SLC4A4: variants seen among roughly 807,000 people sequenced by gnomAD.
SLC4A4 encodes solute carrier family 4 member 4, also known as electrogenic sodium bicarbonate cotransporter 1.
A neutral mutation model predicts 111.5 loss-of-function variants in SLC4A4; 27 were observed. The ratio of observed to expected loss-of-function variants is 0.24; its 90% CI spans 0.18 to 0.33. The LOEUF is 0.33. Ranked by LOEUF, SLC4A4 falls within the 10% of genes least tolerant of loss-of-function variation. SLC4A4 has a pLI of 1.00. For missense variants in SLC4A4, 909 were observed against 1,315.5 expected (o/e 0.69, Z 4.78); for synonymous variants, 443 against 463.4 (o/e 0.96, Z 0.57).
intron 23 of SLC4A4, among the ~76,000 whole-genome samples, chr4:71,561,015 C>T (rs543659735): frequency 2.6e-5 from 4 of 151,822 alleles, no homozygotes; most frequent in East Asian, 2.0e-4. Context: ...TTAACACATG[C>T]GGACACCTTA....
intron 3 of SLC4A4, chr4:71,301,371 G>A: frequency 5.0e-6 from 1 of 199,494 alleles, no homozygotes; most frequent in Non-Finnish European, 1.0e-5. Context: ...AAGAGTAAGG[G>A]ACTGGTGGCC....
At chr4:71,160,326 T>C (rs528602619) in intron 2 of SLC4A4, among the ~76,000 whole-genome samples, 2 of 145,524 alleles carry the variant, frequency 1.4e-5, no homozygotes, top group South Asian at 4.4e-4. Context: ...TGGGTGAGTG[T>C]TAACTCCAGG....
chr4:71,218,406 C>T lies in SLC4A4; in HGVS notation c.-1-18170C>T, dbSNP rs561177176. Among the ~76,000 whole-genome samples the T allele has an allele frequency of 3.7e-3, 565 of 152,260 alleles. 1 individual carries two copies. Among genetic ancestry groups the T allele is most frequent in the Admixed American group, 7.5e-3 (114 of 15,300 alleles). ...GTTTGATGACCTTTCTAAACAAATA[C>T]GTGTGCTGCTTCCAACTTAATTTTG... On this transcript the variant is annotated intron_variant, in intron 1 of 25. Coordinates refer to ENST00000264485, the MANE Select transcript of SLC4A4 (RefSeq NM_001098484.3).
intron 11 of SLC4A4, 145 bp from the exon 12 acceptor site, chr4:71,453,350 G>T (rs1179380560): frequency 2.4e-6 from 2 of 819,966 alleles, no homozygotes; most frequent in African/African-American, 3.4e-5. Context: ...ATAGTTTTCT[G>T]GTTTCATCGT....
At chr4:71,090,847 G>A (rs1001612956) in intron 1 of SLC4A4, among the ~76,000 whole-genome samples, 1 of 152,230 alleles carries the variant, frequency 6.6e-6, no homozygotes, top group Non-Finnish European at 1.5e-5. Context: ...TGTGATGATT[G>A]TAGCCAGGGA....
At chr4:71,485,678 G>C (rs955481439) in intron 14 of SLC4A4, among the ~76,000 whole-genome samples, 1 of 151,594 alleles carries the variant, frequency 6.6e-6, no homozygotes, top group Admixed American at 6.6e-5. Flanking sequence ...AAAGACCAGA[G>C]TGAATTCCAA....
intron 7 of SLC4A4, among the ~76,000 whole-genome samples, chr4:71,424,087 A>C (rs1402654368): frequency 2.6e-5 from 4 of 152,080 alleles, no homozygotes; most frequent in Non-Finnish European, 5.9e-5. Flanking sequence ...TTCGCAACCT[A>C]CTCTTCTGAC....
intron 16 of SLC4A4, among the ~76,000 whole-genome samples, chr4:71,509,171 C>T (rs1281472427): frequency 5.3e-5 from 8 of 152,200 alleles, no homozygotes; most frequent in Non-Finnish European, 1.5e-5. Flanking sequence ...AGGCTGTAAG[C>T]ATTCTCCTTG....
chr4:71,206,629 A>G (rs1437690634), intron 1 of SLC4A4, among the ~76,000 whole-genome samples: 1 of 152,162 alleles, frequency 6.6e-6, no homozygotes, highest in East Asian at 1.9e-4. Flanking sequence ...AATATATATT[A>G]GACTTGACAA....
chr4:71,262,338 A>G (rs1468490129), intron 3 of SLC4A4, among the ~76,000 whole-genome samples: 1 of 152,202 alleles, frequency 6.6e-6, no homozygotes, highest in Non-Finnish European at 1.5e-5. Context: ...GGCCTACTCT[A>G]TAAATAAATT....
chr4:71,148,116 C>T (rs1744227817), intron 2 of SLC4A4, among the ~76,000 whole-genome samples: 1 of 152,202 alleles, frequency 6.6e-6, no homozygotes, highest in Non-Finnish European at 1.5e-5. Context: ...ACCGACCCCA[C>T]TACTGACTTA....
chr4:71,223,146 T>G (rs1718846300), intron 1 of SLC4A4, among the ~76,000 whole-genome samples: 1 of 152,032 alleles, frequency 6.6e-6, no homozygotes, highest in Non-Finnish European at 1.5e-5. Flanking sequence ...TTCCTAGAGT[T>G]TTTATTTTTG....
intron 1 of SLC4A4, among the ~76,000 whole-genome samples, chr4:71,075,290 T>C (rs989635353): frequency 4.6e-5 from 7 of 152,304 alleles, no homozygotes; most frequent in South Asian, 4.1e-4. Context: ...TCCTTGCTAT[T>C]GTGATTTCTA....
intron 1 of SLC4A4, among the ~76,000 whole-genome samples, chr4:71,073,175 C>A (rs986963010): frequency 6.6e-6 from 1 of 151,902 alleles, no homozygotes; most frequent in African/African-American, 2.4e-5. Context: ...CTTTTAATTG[C>A]AATTTTTTTC....
intron 1 of SLC4A4, among the ~76,000 whole-genome samples, chr4:71,232,383 T>G (rs1203412664): frequency 6.6e-6 from 1 of 152,166 alleles, no homozygotes; most frequent in Non-Finnish European, 1.5e-5. Flanking sequence ...CTCCAGTTTT[T>G]GCTGGTTTTT....
intron 2 of SLC4A4, among the ~76,000 whole-genome samples, chr4:71,176,723 A>T (rs574376961): frequency 6.6e-6 from 1 of 152,204 alleles, no homozygotes. Context: ...TGAAAGTGAC[A>T]GGGAGAATGG....
chr4:71,154,777 C>T (rs1744413147), intron 2 of SLC4A4, among the ~76,000 whole-genome samples: 1 of 152,018 alleles, frequency 6.6e-6, no homozygotes, highest in East Asian at 1.9e-4. Context: ...AAAAGCAAAT[C>T]TATGCCAATT....
chr4:71,258,720 C>T (rs1721636366), intron 3 of SLC4A4, among the ~76,000 whole-genome samples: 1 of 152,150 alleles, frequency 6.6e-6, no homozygotes, highest in South Asian at 2.1e-4. Context: ...TATTTCCCTG[C>T]CCTGCCTTTC....
intron 2 of SLC4A4, among the ~76,000 whole-genome samples, chr4:71,173,193 T>C (rs907108043): frequency 1.3e-5 from 2 of 152,134 alleles, no homozygotes; most frequent in Non-Finnish European, 2.9e-5. Flanking sequence ...AAAAAAGAAA[T>C]AAAATCAAAG....
Sources: allele counts gnomAD v4.1 joint callset (sites outside exome capture counted in the v4.1 genomes callset), GRCh38; gene constraint gnomAD v4.1.1; transcripts MANE v1.5; gene names NCBI Gene and HGNC (gene_info 2026-07-23, HGNC 2026-07-21).